The following TMEM132D variants were observed in gnomAD, a reference collection of about 807,000 sequenced individuals.
The protein encoded by TMEM132D is transmembrane protein 132D, also known as mature OL transmembrane protein.
Under a neutral mutation model 62.3 loss-of-function variants are expected in TMEM132D, and 21 were observed. That is an observed-to-expected ratio of 0.34 (90% CI 0.24 to 0.49). The LOEUF is 0.49. TMEM132D is among the 20% of genes least tolerant of loss of function. The probability of loss-of-function intolerance (pLI) is 0.99; values close to 1 mark genes in which losing one functional copy is unlikely to be tolerated. For missense variants in TMEM132D, 1,346 were observed against 1,402.8 expected, an observed-to-expected ratio of 0.96 and a Z score of 0.65; for synonymous variants, 621 against 575.6, an observed-to-expected ratio of 1.08 and a Z score of -1.13.
chr12:129,836,839 A>G (rs984223536), intron 1 of TMEM132D, among the ~76,000 whole-genome samples: 1 of 152,220 alleles, frequency 6.6e-6, no homozygotes, highest in Non-Finnish European at 1.5e-5. Context: ...TACAGTACTT[A>G]TATCTCTACA....
chr12:129,352,212 T>C (rs1418846550), intron 3 of TMEM132D, among the ~76,000 whole-genome samples: 2 of 152,220 alleles, frequency 1.3e-5, no homozygotes, highest in African/African-American at 2.4e-5. Flanking sequence ...AGTGTCCTGA[T>C]ATCCCGATAT....
At chr12:129,840,385 G>T (rs1391407213) in intron 1 of TMEM132D, 2 of 152,122 alleles carry the variant, frequency 1.3e-5, no homozygotes, top group African/African-American at 4.8e-5. Flanking sequence ...TGGCACCCAG[G>T]GTTAAATTCC....
At chr12:129,630,256 G>T (rs958853557) in intron 2 of TMEM132D, among the ~76,000 whole-genome samples, 5 of 152,176 alleles carry the variant, frequency 3.3e-5, no homozygotes, top group African/African-American at 9.7e-5. Context: ...AAAACAGGCA[G>T]CTGTGAACAG....
intron 4 of TMEM132D, among the ~76,000 whole-genome samples, chr12:129,248,912 GTA>G (rs1384962152): frequency 5.9e-5 from 9 of 152,076 alleles, no homozygotes; most frequent in African/African-American, 2.2e-4. Context: ...ATTCCATGGT[GTA>G]TATGTACCAC....
intron 3 of TMEM132D, among the ~76,000 whole-genome samples, chr12:129,402,143 G>A (rs1263576405): frequency 1.3e-5 from 2 of 152,168 alleles, no homozygotes; most frequent in Non-Finnish European, 2.9e-5. Flanking sequence ...TGCATACCTC[G>A]ATAATCTGCT....
chr12:129,690,469 A>G (rs953350216), intron 2 of TMEM132D, among the ~76,000 whole-genome samples: 5 of 152,176 alleles, frequency 3.3e-5, no homozygotes, highest in African/African-American at 1.2e-4. Flanking sequence ...ACTTTAGCTC[A>G]AAAGACTTTA....
chr12:129,266,524 C>T (rs538739658), intron 4 of TMEM132D, among the ~76,000 whole-genome samples: 2 of 148,818 alleles, frequency 1.3e-5, no homozygotes, highest in South Asian at 4.4e-4. Context: ...TATCTCCTCT[C>T]CCCTCCCCTC....
At chr12:129,831,477 T>C (rs1219111908) in intron 1 of TMEM132D, among the ~76,000 whole-genome samples, 1 of 152,196 alleles carries the variant, frequency 6.6e-6, no homozygotes, top group Non-Finnish European at 1.5e-5. Flanking sequence ...GCCCGACAGC[T>C]TCTGATCCCG....
At chr12:129,250,101 C>G (rs1284487594) in intron 4 of TMEM132D, among the ~76,000 whole-genome samples, 1 of 152,062 alleles carries the variant, frequency 6.6e-6, no homozygotes, top group African/African-American at 2.4e-5. Flanking sequence ...ATGGAGACAT[C>G]AAGGAGACAG....
At chr12:129,854,238 C>G (rs1046217791) in intron 1 of TMEM132D, among the ~76,000 whole-genome samples, 1 of 152,134 alleles carries the variant, frequency 6.6e-6, no homozygotes. Flanking sequence ...TCACTATGTC[C>G]CAGGCACTGT....
chr12:129,416,388 T>C (rs960628672), intron 3 of TMEM132D, among the ~76,000 whole-genome samples: 1 of 152,246 alleles, frequency 6.6e-6, no homozygotes, highest in Non-Finnish European at 1.5e-5. Flanking sequence ...CTTGTGATTT[T>C]TGCACATGGA....
chr12:129,493,044 GC>G (rs1287974393), intron 3 of TMEM132D, among the ~76,000 whole-genome samples: 1 of 152,118 alleles, frequency 6.6e-6, no homozygotes, highest in African/African-American at 2.4e-5. Context: ...GGGAATCCAC[GC>G]CCTCCTAAAC....
chr12:129,289,565 G>GA (rs796797554), intron 4 of TMEM132D, among the ~76,000 whole-genome samples: 7 of 132,974 alleles, frequency 5.3e-5, no homozygotes, highest in African/African-American at 1.1e-4. Flanking sequence ...AAAAAAAAAA[G>GA]AAAAAAAAGA....
intron 2 of TMEM132D, among the ~76,000 whole-genome samples, chr12:129,668,304 A>G (rs1310649325): frequency 6.7e-6 from 1 of 149,886 alleles, no homozygotes; most frequent in African/African-American, 2.5e-5. Context: ...GACACACACT[A>G]ATTATAATTG....
At chr12:129,266,821 G>A (rs1450121025) in intron 4 of TMEM132D, among the ~76,000 whole-genome samples, 1 of 152,068 alleles carries the variant, frequency 6.6e-6, no homozygotes, top group Non-Finnish European at 1.5e-5. Context: ...TACTCCCTCT[G>A]TCTCTGCTAT....
chr12:129,592,143 G>A (rs183523921), intron 2 of TMEM132D, among the ~76,000 whole-genome samples: 5 of 151,984 alleles, frequency 3.3e-5, no homozygotes, highest in Admixed American at 6.5e-5. Context: ...GTCTTAATTC[G>A]TGTAACACTA....
intron 3 of TMEM132D, among the ~76,000 whole-genome samples, chr12:129,499,087 G>C (rs1875047922): frequency 6.6e-6 from 1 of 152,152 alleles, no homozygotes; most frequent in South Asian, 2.1e-4. Context: ...CTGGGAGCTG[G>C]AACTAGTATA....
intron 5 of TMEM132D, among the ~76,000 whole-genome samples, chr12:129,153,694 A>G (rs2895126): frequency 0.13 from 19,072 of 152,094 alleles, 1,406 homozygotes; most frequent in African/African-American, 0.18. Flanking sequence ...TAGAACCCCA[A>G]GCTCAGTGGT....
intron 1 of TMEM132D, among the ~76,000 whole-genome samples, chr12:129,759,361 G>A (rs984347663): frequency 1.2e-4 from 19 of 152,212 alleles, no homozygotes; most frequent in East Asian, 1.9e-4. Context: ...TGATAAGAGC[G>A]TAAATTAGGA....
Sources: allele counts gnomAD v4.1 joint callset (sites outside exome capture counted in the v4.1 genomes callset), GRCh38; gene constraint gnomAD v4.1.1; transcripts MANE v1.5; gene names NCBI Gene and HGNC (gene_info 2026-07-23, HGNC 2026-07-21).